Variants in STAT3 observed in about 807,000 individuals in gnomAD.
STAT3 encodes signal transducer and activator of transcription 3.
In STAT3, 7 loss-of-function variants were observed where a neutral mutation model predicts 114.3. The observed-to-expected ratio is 0.06, with a 90% CI of 0.03 to 0.11. The LOEUF is 0.11. STAT3 is among the 10% of genes least tolerant of loss of function. STAT3 has a pLI of 1.00. For missense variants in STAT3, 364 were observed against 960.9 expected (o/e 0.38, Z 8.21); for synonymous variants, 331 against 354.5 (o/e 0.93, Z 0.74).
chr17:42,347,636 G>A (rs2082759411), intron 2 of STAT3, among the ~76,000 whole-genome samples: 1 of 152,190 alleles, frequency 6.6e-6, no homozygotes, highest in Admixed American at 6.5e-5. Flanking sequence ...CACTGTTTGA[G>A]GTGGGGCCTG....
intron 1 of STAT3, among the ~76,000 whole-genome samples, chr17:42,353,503 T>TA (rs572754566): frequency 0.011 from 1,607 of 151,184 alleles, 39 homozygotes; most frequent in African/African-American, 0.032. Context: ...GTGGTTCTCC[T>TA]AAAAAAAAAT....
chr17:42,327,376 A>G (rs571460075), intron 14 of STAT3, among the ~76,000 whole-genome samples: 21 of 152,328 alleles, frequency 1.4e-4, no homozygotes, highest in South Asian at 4.1e-4. Flanking sequence ...ATGGACTCCA[A>G]TGAATTCTTT....
Position 42,338,746 on chromosome 17 carries a change from G to C in STAT3, c.535C>G (p.Leu179Val). 1 of 1,613,508 alleles carries C rather than the reference G, an allele frequency of 6.2e-7. No individual in the cohort carries two copies. The highest frequency in any genetic ancestry group is 8.5e-7 in the Non-Finnish European group (1 of 1,179,624). ...ATTCACTTGCCTCCTTGACTCTTGA[G>C]GGTTTTATAGTTGAAATCAAAGTCA... The part of the protein sequence containing the change: ...QDDFDFNYKT[L>V]KSQGDMQDLN... Residue 179 changes from leucine to valine, a missense_variant, in exon 6 of 24, where the codon CTC (leucine) becomes GTC (valine). Transcript: ENST00000264657.
intron 1 of STAT3, among the ~76,000 whole-genome samples, chr17:42,384,135 T>TATTTA (rs55920333): frequency 7.9e-5 from 11 of 139,604 alleles, no homozygotes; most frequent in Non-Finnish European, 1.1e-4. Context: ...TTTATTTATT[T>TATTTA]TTTTTTTTTT....
chr17:42,329,927 A>T, intron 11 of STAT3, 151 bp from the exon 12 acceptor site: 5 of 918,108 alleles, frequency 5.4e-6, no homozygotes, highest in Non-Finnish European at 8.6e-6. Context: ...AGCGCAACAT[A>T]ACACCTCTGC....
At chr17:42,369,359 A>C (rs1567750887) in intron 1 of STAT3, among the ~76,000 whole-genome samples, 1 of 152,058 alleles carries the variant, frequency 6.6e-6, no homozygotes, top group Non-Finnish European at 1.5e-5. Flanking sequence ...CTCCATCTCA[A>C]AAACAAACAA....
intron 1 of STAT3, among the ~76,000 whole-genome samples, chr17:42,373,757 C>T (rs912086075): frequency 4.0e-5 from 6 of 151,286 alleles, no homozygotes; most frequent in Non-Finnish European, 5.9e-5. Context: ...TCGTGGCGGG[C>T]GCCTGTAGTC....
At chr17:42,369,397 C>T (rs1394606123) in intron 1 of STAT3, among the ~76,000 whole-genome samples, 2 of 151,972 alleles carry the variant, frequency 1.3e-5, no homozygotes, top group Non-Finnish European at 2.9e-5. Context: ...AACATGATCT[C>T]GTTGTTTTTT....
In STAT3 at chr17:42,329,152, A is replaced by T. The variant is rs17882163; in HGVS notation, c.1281+258T>A. Among the ~76,000 whole-genome samples the T allele has an allele frequency of 0.047, 7,149 of 152,172 alleles. 557 individuals carry two copies. The highest frequency in any genetic ancestry group is 0.16 in the African/African-American group (6,804 of 41,470). Reference sequence around the variant, plus strand: ...TGCTTTATACCACATGGGTGTGGAGAACAACTCAGCAAGGGACTTTCCACT... The same window carrying T: ...TGCTTTATACCACATGGGTGTGGAGTACAACTCAGCAAGGGACTTTCCACT... On this transcript the variant is annotated intron_variant, in intron 14 of 23. Transcript: ENST00000264657.
chr17:42,382,587 C>T (rs1473173258), intron 1 of STAT3, among the ~76,000 whole-genome samples: 1 of 152,130 alleles, frequency 6.6e-6, no homozygotes, highest in African/African-American at 2.4e-5. Flanking sequence ...TCCTGCCTGA[C>T]GCAATACCTG....
chr17:42,357,264 AT>A (rs2083272740), intron 1 of STAT3, among the ~76,000 whole-genome samples: 1 of 152,172 alleles, frequency 6.6e-6, no homozygotes, highest in Non-Finnish European at 1.5e-5. Context: ...CTGCAAGTAG[AT>A]TAGGAAGGAA....
At chr17:42,361,577 G>A (rs368720533) in intron 1 of STAT3, among the ~76,000 whole-genome samples, 21 of 151,904 alleles carry the variant, frequency 1.4e-4, no homozygotes, top group African/African-American at 2.4e-4. Flanking sequence ...CGAGAACCTC[G>A]AAATCAGAGC....
At chr17:42,381,168 A>G (rs770782074) in intron 1 of STAT3, among the ~76,000 whole-genome samples, 14 of 152,220 alleles carry the variant, frequency 9.2e-5, no homozygotes, top group Non-Finnish European at 1.6e-4. Context: ...TTTAACTGCT[A>G]TAGTAACTTT....
At chr17:42,350,747 A>G (rs1405163844) in intron 1 of STAT3, among the ~76,000 whole-genome samples, 5 of 152,216 alleles carry the variant, frequency 3.3e-5, no homozygotes, top group African/African-American at 1.2e-4. Context: ...CAGTCTTTAC[A>G]TTGAATAATT....
At chr17:42,325,283 C>T in intron 15 of STAT3, 1 of 536,534 alleles carries the variant, frequency 1.9e-6, no homozygotes, top group Non-Finnish European at 3.4e-6. Context: ...TCGGAATATA[C>T]CGGTCCCTTG....
At chr17:42,322,726 G>A (rs1198923497) in intron 20 of STAT3, among the ~76,000 whole-genome samples, 1 of 152,188 alleles carries the variant, frequency 6.6e-6, no homozygotes, top group African/African-American at 2.4e-5. Flanking sequence ...AACTACTTGC[G>A]TAAGATATAT....
At chr17:42,339,253 C>T in intron 5 of STAT3, 61 bp downstream of exon 5, 2 of 1,343,156 alleles carry the variant, frequency 1.5e-6, no homozygotes, top group East Asian at 2.4e-5. Flanking sequence ...AAGACCCTGT[C>T]TCAAAAAAAA....
intron 4 of STAT3, among the ~76,000 whole-genome samples, chr17:42,342,424 A>G (rs942058478): frequency 1.3e-5 from 2 of 151,958 alleles, no homozygotes; most frequent in Non-Finnish European, 2.9e-5. Flanking sequence ...CAGAGGTTGC[A>G]GTGGGCCGAA....
chr17:42,376,031 A>T (rs369780095), intron 1 of STAT3, among the ~76,000 whole-genome samples: 1 of 151,606 alleles, frequency 6.6e-6, no homozygotes, highest in South Asian at 2.1e-4. Context: ...AGCCCCTGTA[A>T]TCCCAGCTAC....
Sources: allele counts gnomAD v4.1 joint callset (sites outside exome capture counted in the v4.1 genomes callset), GRCh38; gene constraint gnomAD v4.1.1; transcripts MANE v1.5; gene names NCBI Gene and HGNC (gene_info 2026-07-23, HGNC 2026-07-21).